BMS1: variants seen among roughly 807,000 people sequenced by gnomAD.
The protein encoded by BMS1 is ribosome biogenesis protein BMS1 homolog.
Under a neutral mutation model 138.7 loss-of-function variants are expected in BMS1, and 53 were observed. The ratio of observed to expected loss-of-function variants is 0.38; its 90% CI spans 0.31 to 0.48. The LOEUF (loss-of-function observed/expected upper bound fraction) is 0.48. Among genes scored for constraint, BMS1 ranks in the 20% least tolerant of loss-of-function variants. BMS1 has a pLI of 0.97. For synonymous variants in BMS1, 504 were observed against 539.9 expected (o/e 0.93, Z 0.92); for missense variants, 1,360 against 1,565.5 (o/e 0.87, Z 2.22).
intron 3 of BMS1, among the ~76,000 whole-genome samples, 163 bp from the exon 4 acceptor site, chr10:42,787,000 ATTTAT>A (rs1354875278): frequency 2.6e-5 from 4 of 152,158 alleles, no homozygotes; most frequent in East Asian, 1.9e-4. Flanking sequence ...ACAGAATGGA[ATTTAT>A]TTTATTTTAT....
chr10:42,792,622 C>T lies in BMS1; in HGVS notation c.901+8C>T, dbSNP rs200490834. ...GCCAAATTCACATGCCAGGTATTCT[C>T]TTGTTGTAGAACATACTAGAATTAC... On this transcript the variant is annotated splice_region_variant and intron_variant, in intron 7 of 22. Transcript: ENST00000374518. The T allele has an allele frequency of 3.1e-6, 5 of 1,604,242 alleles. No homozygotes were observed. The highest frequency in any genetic ancestry group is 2.2e-5 in the East Asian group (1 of 44,876).
chr10:42,794,201 A>C (rs1841602311), intron 9 of BMS1, among the ~76,000 whole-genome samples: 1 of 152,120 alleles, frequency 6.6e-6, no homozygotes, highest in African/African-American at 2.4e-5. Flanking sequence ...GCATTTTTCA[A>C]CAGACCCCAA....
At chr10:42,808,210 C>G (rs1483799186) in intron 13 of BMS1, among the ~76,000 whole-genome samples, 1 of 151,914 alleles carries the variant, frequency 6.6e-6, no homozygotes, top group Non-Finnish European at 1.5e-5. Context: ...CAGATACTTT[C>G]TCCTAATCTG....
At chr10:42,794,030 AT>A in intron 9 of BMS1, 39 bp downstream of exon 9, 1 of 1,596,182 alleles carries the variant, frequency 6.3e-7, no homozygotes, top group Middle Eastern at 2.3e-4. Flanking sequence ...AAAAAGATGT[AT>A]TACAAAAGAT....
intron 21 of BMS1, among the ~76,000 whole-genome samples, chr10:42,826,936 G>A (rs1842664162): frequency 6.6e-6 from 1 of 152,192 alleles, no homozygotes; most frequent in African/African-American, 2.4e-5. Context: ...TGGCCCCGCA[G>A]GGTGGGGTGC....
Position 42,817,383 on chromosome 10 carries a change from A to G in BMS1, c.2469A>G (p.Lys823=). The G allele has an allele frequency of 6.2e-7, 1 of 1,610,842 alleles. No individual in the cohort carries two copies. The highest frequency in any genetic ancestry group is 2.3e-4 in the Middle Eastern group (1 of 4,428). ...IDPDEEESAK[K]KHLDKKRKLK... ...CCGACGAAGAAGAAAGTGCCAAGAA[A>G]AAGCATTTGGATAAGAAGAGAAAAT... is the stretch of plus-strand genomic sequence containing the variant. The change falls in exon 15 of 23, where the codon AAA becomes AAG. Residue 823 remains lysine, a synonymous_variant. Transcript: ENST00000374518.
At chr10:42,809,456 T>C (rs987253815) in intron 13 of BMS1, among the ~76,000 whole-genome samples, 5 of 152,102 alleles carry the variant, frequency 3.3e-5, no homozygotes, top group Non-Finnish European at 5.9e-5. Context: ...TGATGGGGTC[T>C]CACTATGTTG....
At chr10:42,798,671 G>A (rs774317874) in intron 12 of BMS1, 46 bp downstream of exon 12, 4 of 1,600,976 alleles carry the variant, frequency 2.5e-6, no homozygotes, top group Non-Finnish European at 2.6e-6. Flanking sequence ...TTAGCGAATT[G>A]TTCTAGAATA....
chr10:42,815,380 A>T (rs75801423), intron 13 of BMS1, among the ~76,000 whole-genome samples: 5 of 152,164 alleles, frequency 3.3e-5, no homozygotes, highest in African/African-American at 1.2e-4. Flanking sequence ...CTTTTTTAAA[A>T]AAATAAAGTT....
In BMS1 at chr10:42,798,604, C is replaced by G. The variant is rs1392205048; in HGVS notation, c.2226C>G (p.Pro742=). 5 of 1,614,184 alleles carry G rather than the reference C, an allele frequency of 3.1e-6. No individual in the cohort carries two copies. The highest frequency in any genetic ancestry group is 2.5e-6 in the Non-Finnish European group (3 of 1,180,020). The part of the protein sequence containing the change: ...LDCSRFLVEA[P]HDWDLEEVMN... ...GCTCCAGATTTCTTGTGGAGGCCCC[C>G]CATGACTGGGATTTAGAGGAGGTAA... Residue 742 remains proline (P), a synonymous_variant, in exon 12 of 23, where the codon CCC becomes CCG. Coordinates refer to ENST00000374518, the MANE Select transcript of BMS1 (RefSeq NM_014753.4).
chr10:42,824,396 A>G (rs1345811346), intron 21 of BMS1, among the ~76,000 whole-genome samples: 2 of 152,108 alleles, frequency 1.3e-5, no homozygotes, highest in African/African-American at 4.8e-5. Context: ...ACTTTATCAG[A>G]TATGTGGTTT....
At chr10:42,810,431 G>A (rs1359263655) in intron 13 of BMS1, among the ~76,000 whole-genome samples, 1 of 152,166 alleles carries the variant, frequency 6.6e-6, no homozygotes, top group Non-Finnish European at 1.5e-5. Context: ...ATACTGGTCT[G>A]TGAGTTTTTT....
chr10:42,830,563 C>T, intron 22 of BMS1, 141 bp downstream of exon 22: 1 of 1,182,636 alleles, frequency 8.5e-7, no homozygotes, highest in South Asian at 1.6e-5. Flanking sequence ...AGTCCATTTC[C>T]CTTTCTTTGC....
intron 15 of BMS1, among the ~76,000 whole-genome samples, chr10:42,818,137 G>A (rs1842403486): frequency 6.6e-6 from 1 of 152,214 alleles, no homozygotes; most frequent in South Asian, 2.1e-4. Flanking sequence ...AGGAGTGCCT[G>A]TGTAAGCTGG....
rs1782284790 is a variant in BMS1, at chr10:42,833,144, C to T, written c.*2048C>T. On this transcript the variant is annotated 3_prime_UTR_variant, in exon 23 of 23. Coordinates refer to ENST00000374518, the MANE Select transcript of BMS1 (RefSeq NM_014753.4). ...TTTAATTACAGTTGCAGATAATTGCCTTTTCCAAAGACAATGTATGTAGGC... is the reference window on the plus strand; with the variant it reads ...TTTAATTACAGTTGCAGATAATTGCTTTTTCCAAAGACAATGTATGTAGGC... 6.6e-6 allele frequency: 1 copy of T among 152,078 alleles called. No individual in the cohort carries two copies. The highest frequency in any genetic ancestry group is 2.1e-4 in the South Asian group (1 of 4,818). The allele number at this position is 152,078 out of a possible 1,614,324, so 9.4% of individuals were successfully genotyped here.
At chr10:42,797,582 G>T in intron 11 of BMS1, 59 bp downstream of exon 11, 1 of 1,524,002 alleles carries the variant, frequency 6.6e-7, no homozygotes, top group African/African-American at 1.4e-5. Flanking sequence ...TTTAGATGAG[G>T]GAATTGGTTG....
At chr10:42,799,257 G>C (rs541078917) in intron 12 of BMS1, among the ~76,000 whole-genome samples, 2 of 152,126 alleles carry the variant, frequency 1.3e-5, no homozygotes, top group Admixed American at 1.3e-4. Context: ...CTATAGGCAC[G>C]AGCCACCAGG....
intron 13 of BMS1, among the ~76,000 whole-genome samples, chr10:42,808,893 C>T (rs1182902123): frequency 6.6e-6 from 1 of 152,172 alleles, no homozygotes; most frequent in Admixed American, 6.5e-5. Context: ...CCCTTGCTGT[C>T]TACGTTCCTG....
Position 42,830,393 on chromosome 10 carries a change from G to A in BMS1, c.3589G>A (p.Ala1197Thr), listed in dbSNP as rs1842766696. ...GKVPKDRRRP[A>T]VIREPHERKI... ...GGTGCCAAAGGACAGGCGGAGACCG[G>A]CCGTCATACGCGAGCCTCATGAAAG... Residue 1197 changes from alanine (A) to threonine (T), a missense_variant, in exon 22 of 23, where the codon GCC becomes ACC. This residue lies in a region of BMS1 where 425 missense variants were observed against 568.3 expected (regional missense o/e 0.75). Transcript: ENST00000374518. 6.2e-7 allele frequency: 1 copy of A among 1,611,400 alleles called. No homozygotes were observed.
Sources: allele counts gnomAD v4.1 joint callset (sites outside exome capture counted in the v4.1 genomes callset), GRCh38; gene constraint gnomAD v4.1.1; regional missense constraint gnomAD v4.1.1; transcripts MANE v1.5; gene names NCBI Gene and HGNC (gene_info 2026-07-23, HGNC 2026-07-21).